Variants in ANKS3 observed in about 807,000 individuals in gnomAD.
ANKS3 encodes the protein ankyrin repeat and sterile alpha motif domain containing 3, also known as ankyrin repeat and SAM domain-containing protein 3.
ANKS3 carries 62 observed loss-of-function variants against 80.7 expected under a neutral mutation model. That is an observed-to-expected ratio of 0.77 (90% CI 0.63 to 0.95). ANKS3 has a LOEUF of 0.95. Among genes scored for constraint, ANKS3 ranks in the 40% least tolerant of loss-of-function variants. The pLI is 0.00. For missense variants in ANKS3, 1,150 were observed against 883.6 expected (o/e 1.30, Z -3.82); for synonymous variants, 489 against 355.3 (o/e 1.38, Z -4.23).
chr16:4,718,378 A>C (rs1486396325), intron 6 of ANKS3, among the ~76,000 whole-genome samples: 2 of 152,318 alleles, frequency 1.3e-5, no homozygotes, highest in East Asian at 3.9e-4. Context: ...GGAAGGCACG[A>C]ATCAACTTTC....
At position 4,705,107 on chromosome 16, in the gene ANKS3, G is replaced by A. The variant is rs78074706; in HGVS notation, c.856C>T (p.Arg286Trp). 0.021 allele frequency: 34,276 copies of A among 1,612,564 alleles called. 456 individuals carry two copies. The highest frequency in any genetic ancestry group is 0.025 in the Non-Finnish European group (29,516 of 1,179,992). The change falls in exon 8 of 18, where the codon CGG becomes TGG. Residue 286 changes from arginine (R) to tryptophan (W), a missense_variant. By Grantham distance (101) the Arg-to-Trp change is moderately radical. Coordinates refer to ENST00000304283, the MANE Select transcript of ANKS3 (RefSeq NM_133450.4). ...GCGGGCCACTCACCATAGCGAGGCCGTGGGGCTCTGCCGCCCAGGCCAATG... is the reference window on the plus strand; with the variant it reads ...GCGGGCCACTCACCATAGCGAGGCCATGGGGCTCTGCCGCCCAGGCCAATG... ...TGIGLGGRAP[R>W]PRYEQAPPRG...
intron 8 of ANKS3, among the ~76,000 whole-genome samples, chr16:4,702,809 A>C (rs1310702731): frequency 6.6e-6 from 1 of 152,140 alleles, no homozygotes; most frequent in African/African-American, 2.4e-5. Flanking sequence ...CATGTATACC[A>C]GGCAATTTCA....
At chr16:4,698,244 G>C (rs1349872988) in intron 14 of ANKS3, 182 bp from the exon 15 acceptor site, 2 of 1,138,456 alleles carry the variant, frequency 1.8e-6, no homozygotes, top group Non-Finnish European at 2.4e-6. Context: ...CAGATTCCCG[G>C]ACCCAACTCC....
chr16:4,707,952 A>C (rs1351482802), intron 7 of ANKS3, among the ~76,000 whole-genome samples: 1 of 151,920 alleles, frequency 6.6e-6, no homozygotes, highest in Non-Finnish European at 1.5e-5. Context: ...CCCTACTAAA[A>C]ATACAAAAAA....
At chr16:4,706,372 A>G (rs971359802) in intron 7 of ANKS3, among the ~76,000 whole-genome samples, 9 of 151,866 alleles carry the variant, frequency 5.9e-5, no homozygotes, top group African/African-American at 2.2e-4. Context: ...CTGGGACTAC[A>G]GGCACCCGGC....
In ANKS3 at chr16:4,712,763, A is replaced by G. The variant is rs531428543; in HGVS notation, c.709+1288T>C. On this transcript the variant is annotated intron_variant, in intron 7 of 17. Coordinates refer to ENST00000304283, the MANE Select transcript of ANKS3 (RefSeq NM_133450.4). Reference sequence around the variant, plus strand: ...CAGGACCAAGGTAAGGAGGCTCACTATCTCCACTATGTTGAACAATGAGCT... The same window carrying G: ...CAGGACCAAGGTAAGGAGGCTCACTGTCTCCACTATGTTGAACAATGAGCT... Among the ~76,000 whole-genome samples, 4 of 152,326 alleles carry G rather than the reference A, an allele frequency of 2.6e-5. No individual in the cohort carries two copies. In the East Asian group the frequency reaches 5.8e-4, roughly 22 times the overall value.
intron 6 of ANKS3, among the ~76,000 whole-genome samples, chr16:4,721,661 G>T (rs1386473924): frequency 3.2e-5 from 4 of 126,716 alleles, no homozygotes; most frequent in African/African-American, 1.2e-4. Context: ...TTTATTTAGA[G>T]ATAGTCTCAC....
At chr16:4,733,738 A>G (rs1423943644) in intron 1 of ANKS3, among the ~76,000 whole-genome samples, 200 bp downstream of exon 1, 1 of 152,224 alleles carries the variant, frequency 6.6e-6, no homozygotes, top group Non-Finnish European at 1.5e-5. Flanking sequence ...TACGCCATAA[A>G]TATATACACC....
intron 6 of ANKS3, among the ~76,000 whole-genome samples, chr16:4,719,729 G>A (rs563101339): frequency 4.6e-5 from 7 of 152,144 alleles, no homozygotes; most frequent in Non-Finnish European, 8.8e-5. Context: ...AGCCCAGGAG[G>A]TTGAGACTAC....
rs546073411 is a variant in ANKS3, at chr16:4,706,380, G to A, written c.710-1127C>T. Among the ~76,000 whole-genome samples, 36 of 149,904 alleles carry A rather than the reference G, an allele frequency of 2.4e-4. No homozygotes were observed. In the South Asian group the frequency reaches 2.5e-3, roughly 10 times the overall value. ...CAAGTAGCTGGGACTACAGGCACCC[G>A]GCCACCATGCCCAGCTAATCTTGTT... On this transcript the variant is annotated intron_variant, in intron 7 of 17. Coordinates refer to ENST00000304283, the MANE Select transcript of ANKS3 (RefSeq NM_133450.4).
chr16:4,714,593 T>C (rs1489390498), intron 6 of ANKS3, among the ~76,000 whole-genome samples: 1 of 152,250 alleles, frequency 6.6e-6, no homozygotes, highest in Non-Finnish European at 1.5e-5. Context: ...TTCGTAACTT[T>C]GATCCAAAGC....
Position 4,701,468 on chromosome 16 carries a change from C to G in ANKS3, c.1085G>C (p.Gly362Ala), listed in dbSNP as rs775921431. The G allele has an allele frequency of 6.2e-7, 1 of 1,610,432 alleles. No homozygotes were observed. Among genetic ancestry groups the G allele is most frequent in the South Asian group, 1.1e-5 (1 of 90,968 alleles). The change falls in exon 10 of 18, where the codon GGG (glycine) becomes GCG (alanine). Residue 362 changes from glycine to alanine, a missense_variant. Gly to Ala is a moderately conservative substitution (Grantham distance 60). Transcript: ENST00000304283. Reference protein sequence around the residue: ...SSSEGLARAQGLSSEASVESN... With the variant: ...SSSEGLARAQALSSEASVESN... The stretch of plus-strand genomic sequence containing the variant: ...CTCCACAGAAGCTTCGCTGCTGAGC[C>G]CCTGGGCTCTGGCCAGGCCCTCGCT...
At chr16:4,707,827 A>G (rs2080278990) in intron 7 of ANKS3, among the ~76,000 whole-genome samples, 1 of 152,004 alleles carries the variant, frequency 6.6e-6, no homozygotes, top group Admixed American at 6.6e-5. Context: ...AATATTGATC[A>G]GGGCCGGGCG....
At position 4,696,535 on chromosome 16, in the gene ANKS3, C is replaced by CAAAA. The variant is rs1567275474; in HGVS notation, c.*369_*372dup. The CAAAA allele has an allele frequency of 4.1e-5, 7 of 171,524 alleles. No homozygotes were observed. Among genetic ancestry groups the CAAAA allele is most frequent in the Non-Finnish European group, 7.5e-5 (6 of 79,780 alleles). The allele number at this position is 171,524 out of a possible 1,614,324, so 10.6% of individuals were successfully genotyped here. A position where few individuals can be genotyped will look rare whatever the true frequency, so the allele number is the denominator to read the frequency against. On this transcript the variant is annotated 3_prime_UTR_variant, in exon 18 of 18. Coordinates refer to ENST00000304283, the MANE Select transcript of ANKS3 (RefSeq NM_133450.4). ...CTAGCTGTTCTTAAATTTTATTTTC[C>CAAAA]AAAAAATGGCATTTTCCAGGTGCCC...
rs1257838232 is a variant in ANKS3, at chr16:4,726,754, G to A, written c.396C>T (p.Asp132=). 6.2e-7 allele frequency: 1 copy of A among 1,613,906 alleles called. No homozygotes were observed. The highest frequency in any genetic ancestry group is 8.5e-7 in the Non-Finnish European group (1 of 1,179,884). Residue 132 remains aspartate (D), a synonymous_variant, in exon 5 of 18, where the codon GAC becomes GAT. Transcript: ENST00000304283. ...LQQGAELEMK[D]IQGWTALFHC... ...GGAAGAGGGCTGTCCAGCCCTGGAT[G>A]TCTTTCATTTCTAGCTCTGCACCTT...
rs369688646 is a variant in ANKS3, at chr16:4,702,227, C to T, written c.884G>A (p.Arg295His). The T allele has an allele frequency of 2.0e-4, 317 of 1,582,824 alleles. No individual in the cohort carries two copies. Among genetic ancestry groups the T allele is most frequent in the Non-Finnish European group, 2.5e-4 (292 of 1,165,032 alleles). ...ACTGCTGTTGAAGGTGACATAGCCA[C>T]GGGGAGGAGCCTGCTCTGTGTACAG... is the stretch of plus-strand genomic sequence containing the variant. Reference protein sequence around the residue: ...PRPRYEQAPPRGYVTFNSSGE... With the variant: ...PRPRYEQAPPHGYVTFNSSGE... The change falls in exon 9 of 18, where the codon CGT becomes CAT. Residue 295 changes from arginine to histidine, a missense_variant. Transcript: ENST00000304283.
chr16:4,721,231 G>C (rs553786782), intron 6 of ANKS3, among the ~76,000 whole-genome samples: 24 of 149,910 alleles, frequency 1.6e-4, no homozygotes, highest in African/African-American at 5.6e-4. Flanking sequence ...TGTGAACCCG[G>C]AAGTCTGAGG....
At chr16:4,697,446 C>A (rs756378514) in intron 15 of ANKS3, 30 bp from the exon 16 acceptor site, 1 of 1,544,224 alleles carries the variant, frequency 6.5e-7, no homozygotes, top group African/African-American at 1.4e-5. Flanking sequence ...ACCGAGTTAG[C>A]TGGGGGTCTG....
At chr16:4,724,678 A>G in intron 6 of ANKS3, 72 bp downstream of exon 6, 2 of 1,408,512 alleles carry the variant, frequency 1.4e-6, no homozygotes, top group Non-Finnish European at 2.0e-6. Flanking sequence ...ATTCTGTAAT[A>G]GCTTATACTT....
Sources: gnomAD v4.1 joint callset for allele counts (sites outside exome capture counted in the v4.1 genomes callset) on GRCh38, gnomAD v4.1.1 for gene constraint, MANE v1.5 for transcripts, NCBI Gene and HGNC (gene_info 2026-07-23, HGNC 2026-07-21) for gene names.